DNAJB14: variants seen among roughly 807,000 people sequenced by gnomAD.
DNAJB14 encodes the protein DnaJ heat shock protein family (Hsp40) member B14.
Under a neutral mutation model 48.4 loss-of-function variants are expected in DNAJB14, and 22 were observed. The ratio of observed to expected loss-of-function variants is 0.45; its 90% CI spans 0.32 to 0.65. DNAJB14 has a LOEUF of 0.65. DNAJB14 is among the 30% of genes least tolerant of loss of function. DNAJB14 has a pLI of 0.03. For synonymous variants in DNAJB14, 142 were observed against 158.7 expected, an observed-to-expected ratio of 0.89 and a Z score of 0.79; for missense variants, 319 against 458.8, an observed-to-expected ratio of 0.70 and a Z score of 2.78.
intron 1 of DNAJB14, among the ~76,000 whole-genome samples, chr4:99,943,232 T>C (rs539879705): frequency 6.6e-6 from 1 of 152,150 alleles, no homozygotes; most frequent in Non-Finnish European, 1.5e-5. Flanking sequence ...AGAGAAAACA[T>C]CTGCATCTGA....
chr4:99,945,486 C>T (rs1198085721), intron 1 of DNAJB14, among the ~76,000 whole-genome samples: 1 of 152,186 alleles, frequency 6.6e-6, no homozygotes, highest in Non-Finnish European at 1.5e-5. Flanking sequence ...AAGGCCTTTT[C>T]GAGTCTGAAA....
At chr4:99,933,303 CTTTTTTTT>C (rs759298582) in intron 1 of DNAJB14, among the ~76,000 whole-genome samples, 3 of 88,790 alleles carry the variant, frequency 3.4e-5, no homozygotes, top group African/African-American at 1.3e-4. Flanking sequence ...CATAAACAGT[CTTTTTTTT>C]TTTTTTTTTT....
intron 3 of DNAJB14, among the ~76,000 whole-genome samples, chr4:99,920,448 C>T (rs1726014152): frequency 6.6e-6 from 1 of 152,188 alleles, no homozygotes; most frequent in African/African-American, 2.4e-5. Context: ...CCCATTATTA[C>T]ATTCATGTGT....
chr4:99,939,011 AAC>A (rs1726793503), intron 1 of DNAJB14, among the ~76,000 whole-genome samples: 1 of 152,204 alleles, frequency 6.6e-6, no homozygotes, highest in African/African-American at 2.4e-5. Context: ...TAAAAAAAAA[AAC>A]TTTTTAAAAA....
intron 1 of DNAJB14, among the ~76,000 whole-genome samples, chr4:99,933,974 A>G (rs1726576345): frequency 6.6e-6 from 1 of 152,238 alleles, no homozygotes; most frequent in African/African-American, 2.4e-5. Context: ...GTAAAAAGGA[A>G]TGAGTTTTGC....
intron 2 of DNAJB14, chr4:99,927,091 C>T (rs1330623087): frequency 6.6e-6 from 1 of 152,162 alleles, no homozygotes; most frequent in Non-Finnish European, 1.5e-5. Context: ...AAAACCTTCT[C>T]CTGCCTCACT....
intron 4 of DNAJB14, among the ~76,000 whole-genome samples, chr4:99,908,493 T>C (rs1267598683): frequency 6.6e-6 from 1 of 152,138 alleles, no homozygotes; most frequent in Non-Finnish European, 1.5e-5. Flanking sequence ...ATCTGTACTC[T>C]TCATTTTTTT....
chr4:99,898,655 A>G lies in DNAJB14; in HGVS notation c.*2373T>C, dbSNP rs780595750. On this transcript the variant is annotated 3_prime_UTR_variant, in exon 8 of 8. Coordinates refer to ENST00000442697, the MANE Select transcript of DNAJB14 (RefSeq NM_001031723.4). ...ATATAAGTGCTGCTAAACTGTTAGA[A>G]TACCAGTTAGAGGAGCTAATAAAGC... The G allele has an allele frequency of 2.0e-5, 3 of 152,002 alleles. No individual in the cohort carries two copies. The highest frequency in any genetic ancestry group is 4.4e-5 in the Non-Finnish European group (3 of 67,856). 9.4% of individuals were successfully genotyped at this position (152,002 alleles called of 1,614,324 possible).
chr4:99,920,417 A>G (rs1018113354), intron 3 of DNAJB14, among the ~76,000 whole-genome samples: 4 of 152,192 alleles, frequency 2.6e-5, no homozygotes, highest in Non-Finnish European at 5.9e-5. Context: ...TCAAGCAAAC[A>G]CATAAACAAC....
intron 3 of DNAJB14, among the ~76,000 whole-genome samples, chr4:99,921,732 T>C (rs1001987615): frequency 1.3e-5 from 2 of 152,188 alleles, no homozygotes; most frequent in Non-Finnish European, 2.9e-5. Flanking sequence ...TCAGTTACTT[T>C]TTCTGGTAAC....
At chr4:99,908,625 A>T in intron 4 of DNAJB14, 86 bp downstream of exon 4, 1 of 993,000 alleles carries the variant, frequency 1.0e-6, no homozygotes, top group Non-Finnish European at 1.4e-6. Context: ...GTAGGGGAAA[A>T]GGTAGATACA....
intron 3 of DNAJB14, among the ~76,000 whole-genome samples, chr4:99,909,971 C>A (rs1578215905): frequency 1.3e-5 from 2 of 152,052 alleles, no homozygotes; most frequent in African/African-American, 4.8e-5. Context: ...GCTTCTTAAA[C>A]TAGATTGTAA....
chr4:99,923,237 T>G (rs771499734), intron 2 of DNAJB14, 52 bp from the exon 3 acceptor site: 1 of 1,465,560 alleles, frequency 6.8e-7, no homozygotes, highest in Non-Finnish European at 9.2e-7. Flanking sequence ...GACGGTCATG[T>G]AATATCTCTA....
intron 3 of DNAJB14, among the ~76,000 whole-genome samples, chr4:99,921,175 T>G (rs1442026281): frequency 2.0e-5 from 3 of 152,202 alleles, no homozygotes; most frequent in Non-Finnish European, 1.5e-5. Flanking sequence ...ATCAGCCAAT[T>G]CCCTATTCTG....
At chr4:99,926,867 C>A (rs1333427922) in intron 2 of DNAJB14, 1 of 152,038 alleles carries the variant, frequency 6.6e-6, no homozygotes, top group African/African-American at 2.4e-5. Flanking sequence ...TCTTGAGAAG[C>A]CAGAAGTTAC....
intron 1 of DNAJB14, among the ~76,000 whole-genome samples, chr4:99,946,099 C>A (rs1239958823): frequency 6.6e-6 from 1 of 152,254 alleles, no homozygotes; most frequent in Non-Finnish European, 1.5e-5. Context: ...GCCACATAAA[C>A]AACACAGATA....
intron 4 of DNAJB14, 53 bp from the exon 5 acceptor site, chr4:99,906,664 A>T: frequency 7.1e-7 from 1 of 1,404,120 alleles, no homozygotes; most frequent in Non-Finnish European, 9.8e-7. Context: ...GATCAGAAAA[A>T]ATACATTTTC....
intron 2 of DNAJB14, 80 bp downstream of exon 2, chr4:99,930,370 T>TAG: frequency 7.3e-7 from 1 of 1,368,124 alleles, no homozygotes; most frequent in African/African-American, 1.5e-5. Flanking sequence ...ATGTTATATT[T>TAG]CACTTTTTTC....
At chr4:99,944,208 T>A (rs1402850473) in intron 1 of DNAJB14, among the ~76,000 whole-genome samples, 1 of 152,106 alleles carries the variant, frequency 6.6e-6, no homozygotes, top group Non-Finnish European at 1.5e-5. Flanking sequence ...CACCTCCCAC[T>A]CAAGGATGGG....
Sources: gnomAD v4.1 joint callset for allele counts (sites outside exome capture counted in the v4.1 genomes callset) on GRCh38, gnomAD v4.1.1 for gene constraint, MANE v1.5 for transcripts, NCBI Gene and HGNC (gene_info 2026-07-23, HGNC 2026-07-21) for gene names.